The following DOCK3 variants were observed in gnomAD, a reference collection of about 807,000 sequenced individuals.
DOCK3 encodes dedicator of cytokinesis 3.
In DOCK3, 60 loss-of-function variants were observed where a neutral mutation model predicts 265.6. That is an observed-to-expected ratio of 0.23 (90% CI 0.18 to 0.28). The LOEUF (loss-of-function observed/expected upper bound fraction) is 0.28. DOCK3 is among the 10% of genes least tolerant of loss of function. The probability of loss-of-function intolerance (pLI) is 1.00; values close to 1 mark genes in which losing one functional copy is unlikely to be tolerated. For synonymous variants in DOCK3, 881 were observed against 938.0 expected (o/e 0.94, Z 1.11); for missense variants, 1,981 against 2,594.3 (o/e 0.76, Z 5.14).
At chr3:51,265,817 A>G (rs1014310384) in intron 23 of DOCK3, among the ~76,000 whole-genome samples, 1 of 152,212 alleles carries the variant, frequency 6.6e-6, no homozygotes, top group Non-Finnish European at 1.5e-5. Context: ...TCACACTCCT[A>G]TTCAACATAG....
intron 12 of DOCK3, among the ~76,000 whole-genome samples, chr3:51,201,907 T>C (rs189404212): frequency 1.3e-5 from 2 of 152,264 alleles, no homozygotes; most frequent in East Asian, 3.9e-4. Context: ...CTGAACAACC[T>C]GCTCCTGAAT....
chr3:51,141,502 G>C (rs904169999), intron 9 of DOCK3, among the ~76,000 whole-genome samples: 6 of 151,916 alleles, frequency 3.9e-5, no homozygotes, highest in African/African-American at 4.8e-5. Context: ...TTTACATATG[G>C]TGTGAAATAA....
intron 1 of DOCK3, among the ~76,000 whole-genome samples, chr3:50,690,252 C>A (rs2035124418): frequency 6.6e-6 from 1 of 151,750 alleles, no homozygotes; most frequent in African/African-American, 2.4e-5. Flanking sequence ...TCTGCCTCAG[C>A]CTCACCAGTA....
intron 1 of DOCK3, among the ~76,000 whole-genome samples, chr3:50,684,587 T>G (rs2107687620): frequency 6.6e-6 from 1 of 152,338 alleles, no homozygotes; most frequent in South Asian, 2.1e-4. Context: ...AATCCCTCTC[T>G]CTCACCTACA....
chr3:51,066,570 G>T (rs138877003), intron 6 of DOCK3, among the ~76,000 whole-genome samples: 1 of 152,286 alleles, frequency 6.6e-6, no homozygotes, highest in African/African-American at 2.4e-5. Flanking sequence ...ATCTAATTAA[G>T]TGAGAGGGGA....
chr3:51,057,557 G>C (rs1447827448), intron 5 of DOCK3, among the ~76,000 whole-genome samples: 3 of 152,204 alleles, frequency 2.0e-5, no homozygotes, highest in Non-Finnish European at 4.4e-5. Flanking sequence ...AGTAGAAAAG[G>C]ATTGTTTTTC....
At position 51,172,410 on chromosome 3, in the gene DOCK3, T is replaced by C. The variant is rs796552401; in HGVS notation, c.1037+11708T>C. Among the ~76,000 whole-genome samples, 5 of 152,276 alleles carry C rather than the reference T, an allele frequency of 3.3e-5. No individual in the cohort carries two copies. The South Asian group carries it at 1.0e-3, about 32-fold the overall frequency. Reference sequence around the variant, plus strand: ...CCAGGATGGTCTCCATCTCCTGACCTCGTCATCTGCCCGCCTTGGCCTCCC... The same window carrying C: ...CCAGGATGGTCTCCATCTCCTGACCCCGTCATCTGCCCGCCTTGGCCTCCC... On this transcript the variant is annotated intron_variant, in intron 12 of 52. Transcript: ENST00000266037.
At chr3:50,837,526 G>A (rs759752503) in intron 2 of DOCK3, among the ~76,000 whole-genome samples, 15 of 152,216 alleles carry the variant, frequency 9.9e-5, no homozygotes, top group Middle Eastern at 3.4e-3. Flanking sequence ...GGGGGTAACC[G>A]CCCCCAGATT....
chr3:50,845,197 ACT>A (rs1205181160), intron 3 of DOCK3, among the ~76,000 whole-genome samples: 2 of 151,986 alleles, frequency 1.3e-5, no homozygotes, highest in Non-Finnish European at 2.9e-5. Flanking sequence ...ACAAAGGGAG[ACT>A]CTGTCTCAAA....
At chr3:51,050,555 A>G in intron 5 of DOCK3, among the ~76,000 whole-genome samples, 1 of 152,198 alleles carries the variant, frequency 6.6e-6, no homozygotes, top group Non-Finnish European at 1.5e-5. Flanking sequence ...TATAGAGGGC[A>G]AGAAGTCCCA....
intron 9 of DOCK3, among the ~76,000 whole-genome samples, chr3:51,111,897 A>G (rs1375543436): frequency 6.6e-6 from 1 of 152,200 alleles, no homozygotes; most frequent in Admixed American, 6.5e-5. Flanking sequence ...GGCAAAGGAC[A>G]TGTACAGTCA....
At chr3:51,143,415 A>G (rs1576224039) in intron 9 of DOCK3, among the ~76,000 whole-genome samples, 1 of 145,818 alleles carries the variant, frequency 6.9e-6, no homozygotes, top group Non-Finnish European at 1.5e-5. Context: ...GATTACAGGC[A>G]CCCGCCACTA....
intron 2 of DOCK3, among the ~76,000 whole-genome samples, chr3:50,812,815 C>T (rs1303520379): frequency 6.6e-6 from 1 of 152,168 alleles, no homozygotes; most frequent in Non-Finnish European, 1.5e-5. Flanking sequence ...ATCCTGTGGC[C>T]CCAGTCAAGT....
At chr3:51,301,124 G>A (rs2082338600) in intron 27 of DOCK3, among the ~76,000 whole-genome samples, 2 of 152,114 alleles carry the variant, frequency 1.3e-5, no homozygotes, top group South Asian at 4.1e-4. Flanking sequence ...TCCTGGTTTA[G>A]TCTTGGGAGG....
chr3:51,171,006 G>C (rs1019119988), intron 12 of DOCK3, among the ~76,000 whole-genome samples: 1 of 150,022 alleles, frequency 6.7e-6, no homozygotes, highest in East Asian at 1.9e-4. Context: ...AACTGTTAAC[G>C]ATGTTTATCT....
intron 40 of DOCK3, 93 bp from the exon 41 acceptor site, chr3:51,354,787 GAT>G: frequency 6.6e-7 from 1 of 1,526,682 alleles, no homozygotes. Flanking sequence ...AGGCTCCTAA[GAT>G]ATGTTTGTGC....
chr3:51,311,982 A>G, intron 28 of DOCK3, 22 bp from the exon 29 acceptor site: 2 of 1,557,744 alleles, frequency 1.3e-6, no homozygotes, highest in Non-Finnish European at 1.7e-6. Context: ...AATTCTGCCA[A>G]TGCCTTGTTT....
intron 14 of DOCK3, among the ~76,000 whole-genome samples, chr3:51,220,555 G>C (rs537022451): frequency 7.4e-4 from 112 of 151,184 alleles, no homozygotes; most frequent in African/African-American, 2.6e-3. Flanking sequence ...TACTCAGGAG[G>C]CTGAGGCTGG....
chr3:51,157,549 A>G (rs1041202522), intron 10 of DOCK3, among the ~76,000 whole-genome samples: 3 of 152,100 alleles, frequency 2.0e-5, no homozygotes, highest in African/African-American at 7.2e-5. Flanking sequence ...CCTGGCCCAC[A>G]TATTACTTCT....
Sources: allele counts gnomAD v4.1 joint callset (sites outside exome capture counted in the v4.1 genomes callset), GRCh38; gene constraint gnomAD v4.1.1; transcripts MANE v1.5; gene names NCBI Gene and HGNC (gene_info 2026-07-23, HGNC 2026-07-21).